The following PIWIL3 variants were observed in gnomAD, a reference collection of about 807,000 sequenced individuals.
PIWIL3 encodes the protein piwi-like protein 3.
Under a neutral mutation model 109.7 loss-of-function variants are expected in PIWIL3, and 101 were observed. The observed-to-expected ratio is 0.92, with a 90% CI of 0.78 to 1.09. The LOEUF (loss-of-function observed/expected upper bound fraction) is 1.09. PIWIL3 is among the 50% of genes least tolerant of loss of function. PIWIL3 has a pLI of 0.00. For missense variants in PIWIL3, 1,031 were observed against 1,072.6 expected, an observed-to-expected ratio of 0.96 and a Z score of 0.54; for synonymous variants, 373 against 376.4, an observed-to-expected ratio of 0.99 and a Z score of 0.10.
intron 14 of PIWIL3, among the ~76,000 whole-genome samples, chr22:24,733,574 G>C (rs1287421011): frequency 6.6e-6 from 1 of 152,076 alleles, no homozygotes; most frequent in East Asian, 1.9e-4. Context: ...CCAGCTACTT[G>C]GGAGGCTGAG....
intron 16 of PIWIL3, among the ~76,000 whole-genome samples, chr22:24,726,132 A>T (rs1051180128): frequency 6.6e-6 from 1 of 152,176 alleles, no homozygotes; most frequent in African/African-American, 2.4e-5. Context: ...TCAGCATCTG[A>T]ACATGGTAGC....
At chr22:24,739,984 G>C (rs1161408932) in intron 12 of PIWIL3, among the ~76,000 whole-genome samples, 1 of 145,682 alleles carries the variant, frequency 6.9e-6, no homozygotes, top group African/African-American at 2.6e-5. Context: ...CCGGTAGGTG[G>C]AGCTTGCACT....
chr22:24,767,950 C>A (rs1334019692), intron 1 of PIWIL3, among the ~76,000 whole-genome samples: 1 of 152,140 alleles, frequency 6.6e-6, no homozygotes, highest in East Asian at 1.9e-4. Context: ...GCTCACAGGC[C>A]AAAAGCCTGC....
At chr22:24,753,316 C>T (rs1370782135) in intron 8 of PIWIL3, among the ~76,000 whole-genome samples, 2 of 152,164 alleles carry the variant, frequency 1.3e-5, no homozygotes. Context: ...TTGAGTTAAA[C>T]TGGAATTGTG....
At chr22:24,741,894 G>A (rs985934844) in intron 12 of PIWIL3, among the ~76,000 whole-genome samples, 1 of 150,726 alleles carries the variant, frequency 6.6e-6, no homozygotes, top group Admixed American at 6.6e-5. Context: ...ATAAGTCCTA[G>A]CCAGAGCAAT....
At position 24,754,823 on chromosome 22, in the gene PIWIL3, T is replaced by C. The variant is rs916001804; in HGVS notation, c.734A>G (p.Tyr245Cys). ...CTGAATGGCCTTCTTTTTGGTATAA[T>C]AGTTGCGACCAACTTGTTCAAAATC... ...LLDFEQVGRN[Y>C]YTKKKAIQLY... Residue 245 changes from tyrosine (Y) to cysteine (C), a missense_variant, in exon 7 of 21, where the codon TAT (tyrosine) becomes TGT (cysteine). By Grantham distance (194) the Tyr-to-Cys change is radical. Transcript: ENST00000616349. 5 of 1,613,064 alleles carry C rather than the reference T, an allele frequency of 3.1e-6. No homozygotes were observed. The highest frequency in any genetic ancestry group is 1.7e-4 in the Middle Eastern group (1 of 6,058).
At chr22:24,741,882 C>G (rs1924029009) in intron 12 of PIWIL3, among the ~76,000 whole-genome samples, 1 of 150,278 alleles carries the variant, frequency 6.7e-6, no homozygotes, top group African/African-American at 2.5e-5. Flanking sequence ...AAACATAGTA[C>G]TATAAGTCCT....
intron 12 of PIWIL3, 47 bp from the exon 13 acceptor site, chr22:24,735,939 C>A: frequency 2.1e-6 from 3 of 1,450,240 alleles, no homozygotes; most frequent in Non-Finnish European, 2.8e-6. Flanking sequence ...TTTTAAAGAT[C>A]AACTTATCTG....
chr22:24,748,296 G>A (rs1045810260), intron 12 of PIWIL3, among the ~76,000 whole-genome samples: 1 of 152,210 alleles, frequency 6.6e-6, no homozygotes, highest in Non-Finnish European at 1.5e-5. Flanking sequence ...TGGGAGGTTG[G>A]AGGAGAATGT....
At chr22:24,755,084 A>G (rs1354528254) in intron 6 of PIWIL3, among the ~76,000 whole-genome samples, 1 of 152,152 alleles carries the variant, frequency 6.6e-6, no homozygotes, top group Admixed American at 6.5e-5. Context: ...AGGTTACCAA[A>G]ATGTTCTTCA....
At chr22:24,755,203 A>AC (rs1455110629) in intron 6 of PIWIL3, among the ~76,000 whole-genome samples, 6 of 151,508 alleles carry the variant, frequency 4.0e-5, no homozygotes, top group Non-Finnish European at 8.8e-5. Context: ...GCTCACTGAA[A>AC]CCTCCACCTC....
chr22:24,748,432 G>A (rs1216640558), intron 12 of PIWIL3, among the ~76,000 whole-genome samples: 3 of 152,128 alleles, frequency 2.0e-5, no homozygotes, highest in Non-Finnish European at 4.4e-5. Flanking sequence ...GAATATAATT[G>A]GTTTGTAACA....
At chr22:24,723,277 G>A (rs1439613131) in intron 18 of PIWIL3, 22 bp from the exon 19 acceptor site, 1 of 1,600,190 alleles carries the variant, frequency 6.2e-7, no homozygotes, top group African/African-American at 1.3e-5. Flanking sequence ...TAGGGTAAGT[G>A]TCACTATGTT....
rs1922899495 is a variant in PIWIL3 at position 24,724,900 on chromosome 22, T to C, written c.2218A>G (p.Ile740Val). ...AKKMSTYLKTISPNNFTLAFI... is the reference protein window; with the variant it reads ...AKKMSTYLKTVSPNNFTLAFI... ...AATACAACCTACTTGTTAGGAGAGA[T>C]GGTTTTTAAGTAGGTCGACATCTTT... Residue 740 changes from isoleucine (I) to valine (V), a missense_variant, in exon 18 of 21, where the codon ATC (isoleucine) becomes GTC (valine). Coordinates refer to ENST00000616349, the MANE Select transcript of PIWIL3 (RefSeq NM_001255975.1). 1 of 1,613,722 alleles carries C rather than the reference T, an allele frequency of 6.2e-7. No individual in the cohort carries two copies. The highest frequency in any genetic ancestry group is 8.5e-7 in the Non-Finnish European group (1 of 1,179,892).
chr22:24,741,648 C>T (rs915659360), intron 12 of PIWIL3, among the ~76,000 whole-genome samples: 3 of 152,174 alleles, frequency 2.0e-5, no homozygotes, highest in East Asian at 1.9e-4. Flanking sequence ...GCAAAGGACA[C>T]AAGTCTCAAA....
In PIWIL3 at chr22:24,751,502, T is replaced by A; in HGVS notation, c.978-4A>T. 1 of 1,607,878 alleles carries A rather than the reference T, an allele frequency of 6.2e-7. No homozygotes were observed. The highest frequency in any genetic ancestry group is 8.5e-7 in the Non-Finnish European group (1 of 1,178,508). ...TCTGTAGGTTTTGTTGTTGTATCTG[T>A]GGAATAATTACAATATGGTATTATT... On this transcript the variant is annotated splice_polypyrimidine_tract_variant and splice_region_variant and intron_variant, in intron 8 of 20. Coordinates refer to ENST00000616349, the MANE Select transcript of PIWIL3 (RefSeq NM_001255975.1).
chr22:24,764,336 C>G (rs922463680), intron 1 of PIWIL3, among the ~76,000 whole-genome samples: 1 of 152,210 alleles, frequency 6.6e-6, no homozygotes, highest in Non-Finnish European at 1.5e-5. Flanking sequence ...GGTGCTCTTA[C>G]AAAACGATGT....
Position 24,744,178 on chromosome 22 carries a change from T to TTAAAAAAAAAAAAAAAAAAAAAAAAA in PIWIL3, c.1449+4728_1449+4729insTTTTTTTTTTTTTTTTTTTTTTTTTA, listed in dbSNP as rs1924180538. Among the ~76,000 whole-genome samples, 19 of 34,306 alleles carry TTAAAAAAAAAAAAAAAAAAAAAAAAA rather than the reference T, an allele frequency of 5.5e-4. 7 individuals carry two copies. The highest frequency in any genetic ancestry group is 5.7e-4 in the Non-Finnish European group (10 of 17,630). 22.5% of individuals were successfully genotyped at this position (34,306 alleles called of 152,430 possible). ...ACTCTAATTGAAAGAGTGACCGAAT[T>TTAAAAAAAAAAAAAAAAAAAAAAAAA]AAAAAAAAAAAAAAAAAAAAAAAAA... is the stretch of plus-strand genomic sequence containing the variant. On this transcript the variant is annotated intron_variant, in intron 12 of 20. Coordinates refer to ENST00000616349, the MANE Select transcript of PIWIL3 (RefSeq NM_001255975.1).
In PIWIL3 at chr22:24,727,952, T is replaced by A. The variant is rs754319495; in HGVS notation, c.2007A>T (p.Thr669=). ...CATGTCTACCAGAGCTTACTTACTTTGTTAATTCAGCATTGGTACTTGCAA... is the reference window on the plus strand; with the variant it reads ...CATGTCTACCAGAGCTTACTTACTTAGTTAATTCAGCATTGGTACTTGCAA... ...GFVASTNAEL[T]KWYSQCVIQK... is the part of the protein sequence containing the mutation. The change falls in exon 16 of 21, where the codon ACA becomes ACT. Residue 669 remains threonine, a splice_region_variant and synonymous_variant. Transcript: ENST00000616349. 7.5e-6 allele frequency: 12 copies of A among 1,608,502 alleles called. No homozygotes were observed. The highest frequency in any genetic ancestry group is 1.0e-5 in the Non-Finnish European group (12 of 1,176,186).
Sources: gnomAD v4.1 joint callset for allele counts (sites outside exome capture counted in the v4.1 genomes callset) on GRCh38, gnomAD v4.1.1 for gene constraint, MANE v1.5 for transcripts, NCBI Gene and HGNC (gene_info 2026-07-23, HGNC 2026-07-21) for gene names.